The following STK38L variants were observed in gnomAD, a reference collection of about 807,000 sequenced individuals.
STK38L encodes serine/threonine kinase 38 like.
In STK38L, 28 loss-of-function variants were observed where a neutral mutation model predicts 59.7. The ratio of observed to expected loss-of-function variants is 0.47; its 90% CI spans 0.35 to 0.64. STK38L has a LOEUF of 0.64. Ranked by LOEUF, STK38L falls within the 30% of genes least tolerant of loss-of-function variation. STK38L has a pLI of 0.01. For missense variants in STK38L, 314 were observed against 555.8 expected (o/e 0.56, Z 4.37); for synonymous variants, 162 against 176.8 (o/e 0.92, Z 0.66).
intron 1 of STK38L, chr12:27,245,550 T>C (rs1159123488): frequency 6.6e-6 from 1 of 152,156 alleles, no homozygotes; most frequent in Non-Finnish European, 1.5e-5. Flanking sequence ...CATATATGTA[T>C]ATAAGGTACT....
At chr12:27,266,384 C>T (rs1483495905) in intron 1 of STK38L, among the ~76,000 whole-genome samples, 1 of 152,060 alleles carries the variant, frequency 6.6e-6, no homozygotes, top group African/African-American at 2.4e-5. Context: ...TTTAATGGAG[C>T]GATCCAATTT....
At chr12:27,272,587 C>T (rs1943447331) in intron 1 of STK38L, among the ~76,000 whole-genome samples, 1 of 152,140 alleles carries the variant, frequency 6.6e-6, no homozygotes, top group Non-Finnish European at 1.5e-5. Context: ...CAGACTTCTG[C>T]CTGGGGTGAC....
chr12:27,269,939 G>A (rs1322168499), intron 1 of STK38L, among the ~76,000 whole-genome samples: 1 of 152,078 alleles, frequency 6.6e-6, no homozygotes, highest in Non-Finnish European at 1.5e-5. Context: ...AGCTGCACCC[G>A]GCCAACTTTC....
In STK38L at chr12:27,265,713, G is replaced by T. The variant is rs564515983; in HGVS notation, c.-12+21381G>T. 2.1e-4 allele frequency among the ~76,000 whole-genome samples: 32 copies of T among 152,252 alleles called. 1 individual carries two copies. The Middle Eastern group carries it at 0.014, about 65-fold the overall frequency. On this transcript the variant is annotated intron_variant, in intron 1 of 13. Coordinates refer to ENST00000389032, the MANE Select transcript of STK38L (RefSeq NM_015000.4). ...TTATTTGGCTGCATGTGTGAGTTTGGCTGTAATGAAAGTATTGGCCATGTA... is the reference window on the plus strand; with the variant it reads ...TTATTTGGCTGCATGTGTGAGTTTGTCTGTAATGAAAGTATTGGCCATGTA...
intron 1 of STK38L, among the ~76,000 whole-genome samples, chr12:27,279,382 A>G (rs1943603848): frequency 6.6e-6 from 1 of 152,212 alleles, no homozygotes; most frequent in Non-Finnish European, 1.5e-5. Context: ...CTCTATGCTT[A>G]TATTCATGCT....
At chr12:27,306,750 C>CACACACACACACACACACAT (rs1555141711) in intron 3 of STK38L, among the ~76,000 whole-genome samples, 3 of 147,158 alleles carry the variant, frequency 2.0e-5, no homozygotes, top group South Asian at 2.2e-4. Flanking sequence ...CACACACACA[C>CACACACACACACACACACAT]ACATATATTT....
chr12:27,315,777 T>A (rs1944571231), intron 9 of STK38L, among the ~76,000 whole-genome samples: 1 of 152,192 alleles, frequency 6.6e-6, no homozygotes. Context: ...AAACAGGAAG[T>A]TTGGGATGTA....
intron 11 of STK38L, 87 bp downstream of exon 11, chr12:27,318,106 A>T: frequency 6.7e-7 from 1 of 1,498,598 alleles, no homozygotes; most frequent in Non-Finnish European, 9.1e-7. Flanking sequence ...GTGGGGGAAG[A>T]GGGGATACCA....
At chr12:27,262,072 A>G (rs1464445204) in intron 1 of STK38L, among the ~76,000 whole-genome samples, 2 of 152,196 alleles carry the variant, frequency 1.3e-5, no homozygotes, top group Non-Finnish European at 2.9e-5. Context: ...TCACCAGTGA[A>G]AAGTCTGTTA....
intron 1 of STK38L, among the ~76,000 whole-genome samples, chr12:27,266,037 TCCCTGTGATA>T (rs1235450171): frequency 6.6e-6 from 1 of 152,180 alleles, no homozygotes; most frequent in Non-Finnish European, 1.5e-5. Flanking sequence ...CCAGTTTGAC[TCCCTGTGATA>T]CCCTGAAAAG....
chr12:27,246,413 A>G (rs973887320), intron 1 of STK38L, among the ~76,000 whole-genome samples: 2 of 152,204 alleles, frequency 1.3e-5, no homozygotes, highest in African/African-American at 4.8e-5. Flanking sequence ...TATTGTTAAA[A>G]TGCTTTTATT....
At chr12:27,300,721 T>C in intron 2 of STK38L, 1 of 418,282 alleles carries the variant, frequency 2.4e-6, no homozygotes, top group South Asian at 1.7e-5. Flanking sequence ...CCAAGGTAGG[T>C]GCCTATGACA....
intron 5 of STK38L, among the ~76,000 whole-genome samples, chr12:27,310,242 G>C (rs1385426193): frequency 1.3e-5 from 2 of 152,138 alleles, no homozygotes; most frequent in Non-Finnish European, 2.9e-5. Flanking sequence ...GGTGTGGAAG[G>C]CAAGGAAGGT....
intron 1 of STK38L, among the ~76,000 whole-genome samples, chr12:27,279,263 T>TTTTTATTATAGAGCTTTA: frequency 6.6e-6 from 1 of 152,236 alleles, no homozygotes; most frequent in Non-Finnish European, 1.5e-5. Context: ...AAGGAGCATC[T>TTTTTATTATAGAGCTTTA]TTTTATTATA....
At chr12:27,266,517 T>C (rs2136614187) in intron 1 of STK38L, among the ~76,000 whole-genome samples, 1 of 152,352 alleles carries the variant, frequency 6.6e-6, no homozygotes, top group African/African-American at 2.4e-5. Context: ...TACACCTAGA[T>C]CTTTTTTTGT....
chr12:27,271,512 A>G (rs755672566), intron 1 of STK38L, among the ~76,000 whole-genome samples: 3 of 152,144 alleles, frequency 2.0e-5, no homozygotes, highest in Non-Finnish European at 2.9e-5. Context: ...TCAATTTCCT[A>G]TATATGCCAT....
Position 27,312,632 on chromosome 12 carries a change from T to G in STK38L, c.477T>G (p.Asp159Glu). 1 of 1,614,138 alleles carries G rather than the reference T, an allele frequency of 6.2e-7. No individual in the cohort carries two copies. Among genetic ancestry groups the G allele is most frequent in the African/African-American group, 1.3e-5 (1 of 75,048 alleles). ...WVVKMFYSFQDKRNLYLIMEF... is the reference protein window; with the variant it reads ...WVVKMFYSFQEKRNLYLIMEF... ...TGAAGATGTTTTACAGTTTTCAGGATAAGAGGAATCTTTATCTAATCATGG... is the reference window on the plus strand; with the variant it reads ...TGAAGATGTTTTACAGTTTTCAGGAGAAGAGGAATCTTTATCTAATCATGG... Residue 159 changes from aspartate (D) to glutamate (E), a missense_variant, in exon 6 of 14, where the codon GAT becomes GAG. Coordinates refer to ENST00000389032, the MANE Select transcript of STK38L (RefSeq NM_015000.4).
In STK38L at chr12:27,322,344, A is replaced by C; in HGVS notation, c.1284A>C (p.Glu428Asp). ...DILQPVPNTT[E>D]PDYKSKDWVF... ...TCTTTCTAGTGCCAAATACCACAGA[A>C]CCGGACTACAAATCCAAAGACTGGG... Residue 428 changes from glutamate (E) to aspartate (D), a missense_variant, in exon 14 of 14, where the codon GAA (glutamate) becomes GAC (aspartate). Transcript: ENST00000389032. 1 of 1,614,044 alleles carries C rather than the reference A, an allele frequency of 6.2e-7. No individual in the cohort carries two copies. The highest frequency in any genetic ancestry group is 8.5e-7 in the Non-Finnish European group (1 of 1,179,946).
At position 27,322,920 on chromosome 12, in the gene STK38L, T is replaced by C. The variant is rs1488602444; in HGVS notation, c.*465T>C. 1 of 152,730 alleles carries C rather than the reference T, an allele frequency of 6.5e-6. No individual in the cohort carries two copies. The highest frequency in any genetic ancestry group is 2.4e-5 in the African/African-American group (1 of 41,472). The allele number at this position is 152,730 out of a possible 1,614,324, so 9.5% of individuals were successfully genotyped here. A position where few individuals can be genotyped will look rare whatever the true frequency, so the allele number is the denominator to read the frequency against. On this transcript the variant is annotated 3_prime_UTR_variant, in exon 14 of 14. Transcript: ENST00000389032. ...AATCAGTAAAAGCCATCTTCCATAG[T>C]TGGTGTTAGAACATTGCCCTATTGG... is the stretch of plus-strand genomic sequence containing the variant.
Sources: gnomAD v4.1 joint callset for allele counts (sites outside exome capture counted in the v4.1 genomes callset) on GRCh38, gnomAD v4.1.1 for gene constraint, MANE v1.5 for transcripts, NCBI Gene and HGNC (gene_info 2026-07-23, HGNC 2026-07-21) for gene names.